GLIS3: variants seen among roughly 807,000 people sequenced by gnomAD.
GLIS3 encodes the protein GLIS family zinc finger 3, also known as zinc finger protein GLIS3.
GLIS3 carries 53 observed loss-of-function variants against 78.6 expected under a neutral mutation model. The ratio of observed to expected loss-of-function variants is 0.67; its 90% CI spans 0.54 to 0.85. GLIS3 has a LOEUF of 0.85. Among genes scored for constraint, GLIS3 ranks in the 40% least tolerant of loss-of-function variants. The pLI is 0.00. For synonymous variants in GLIS3, 684 were observed against 509.9 expected (o/e 1.34, Z -4.60); for missense variants, 1,703 against 1,231.1 (o/e 1.38, Z -5.74).
chr9:4,347,169 T>G (rs1265155477), exon 2 of GLIS3: 6 of 152,274 alleles, frequency 3.9e-5, no homozygotes, highest in Admixed American at 3.9e-4. Flanking sequence ...TGGCAGAAGG[T>G]AAAGAGAAGC....
Position 4,168,095 on chromosome 9 carries a change from C to A in GLIS3, c.389-42154G>T, listed in dbSNP as rs369849476. Among the ~76,000 whole-genome samples the A allele has an allele frequency of 8.9e-3, 1,359 of 152,214 alleles. 19 individuals are homozygous for A. The highest frequency in any genetic ancestry group is 0.032 in the African/African-American group (1,314 of 41,494). On this transcript the variant is annotated intron_variant, in intron 2 of 10. Coordinates refer to ENST00000381971, the MANE Select transcript of GLIS3 (RefSeq NM_001042413.2). Reference sequence around the variant, plus strand: ...TGCAATCATTTCCTTACCTCCTTGACAGCAAAGGCTTTCAACTGAAAACTC... The same window carrying A: ...TGCAATCATTTCCTTACCTCCTTGAAAGCAAAGGCTTTCAACTGAAAACTC...
chr9:4,347,716 T>C (rs1433093079), intron 1 of GLIS3, among the ~76,000 whole-genome samples: 2 of 152,180 alleles, frequency 1.3e-5, no homozygotes, highest in Non-Finnish European at 2.9e-5. Flanking sequence ...TTGTTTGTTT[T>C]TGGTTTGGTT....
chr9:3,942,393 C>T (rs1482523630), intron 4 of GLIS3, among the ~76,000 whole-genome samples: 1 of 152,108 alleles, frequency 6.6e-6, no homozygotes. Flanking sequence ...TTCCCATCTC[C>T]ACATACAACC....
chr9:4,211,396 G>GA (rs1820359641), intron 2 of GLIS3, among the ~76,000 whole-genome samples: 1 of 152,194 alleles, frequency 6.6e-6, no homozygotes. Flanking sequence ...ACTCAGTGCA[G>GA]AAAGAGATCT....
intron 2 of GLIS3, among the ~76,000 whole-genome samples, chr9:4,247,112 G>A (rs1587133100): frequency 6.6e-6 from 1 of 152,034 alleles, no homozygotes; most frequent in Admixed American, 6.6e-5. Context: ...TCCTGAGTTC[G>A]GTGCACACCA....
At chr9:4,095,230 A>G (rs1037097209) in intron 4 of GLIS3, among the ~76,000 whole-genome samples, 1 of 152,090 alleles carries the variant, frequency 6.6e-6, no homozygotes, top group African/African-American at 2.4e-5. Flanking sequence ...CTATGTACAC[A>G]TCCTTTGAAC....
chr9:4,189,439 G>A (rs1301883072), intron 2 of GLIS3, among the ~76,000 whole-genome samples: 1 of 152,150 alleles, frequency 6.6e-6, no homozygotes, highest in Non-Finnish European at 1.5e-5. Context: ...TGGAATACGT[G>A]TGGTGTGGTG....
At chr9:4,329,494 T>C (rs1471441824) in intron 2 of GLIS3, among the ~76,000 whole-genome samples, 1 of 152,112 alleles carries the variant, frequency 6.6e-6, no homozygotes, top group South Asian at 2.1e-4. Context: ...TGGGGGCCTA[T>C]AATAAGACCA....
intron 4 of GLIS3, among the ~76,000 whole-genome samples, chr9:4,114,324 C>T (rs1168583551): frequency 6.6e-6 from 1 of 152,084 alleles, no homozygotes; most frequent in Non-Finnish European, 1.5e-5. Flanking sequence ...TGGAACCATT[C>T]ACTATGGATA....
intron 4 of GLIS3, among the ~76,000 whole-genome samples, chr9:3,958,366 C>CA (rs936818565): frequency 1.3e-5 from 2 of 151,356 alleles, no homozygotes; most frequent in South Asian, 2.1e-4. Flanking sequence ...ATTCTTTTTT[C>CA]AAAAAAAGTC....
chr9:3,978,315 A>T (rs1285540191), intron 4 of GLIS3, among the ~76,000 whole-genome samples: 1 of 152,176 alleles, frequency 6.6e-6, no homozygotes, highest in Non-Finnish European at 1.5e-5. Context: ...ATATTACATA[A>T]ATAAACACTA....
At chr9:4,178,958 ATAG>A (rs1398687125) in intron 2 of GLIS3, among the ~76,000 whole-genome samples, 4 of 152,212 alleles carry the variant, frequency 2.6e-5, no homozygotes, top group African/African-American at 7.2e-5. Flanking sequence ...TTATAAATAG[ATAG>A]TAGTTTAAAG....
intron 2 of GLIS3, among the ~76,000 whole-genome samples, chr9:4,332,493 G>T (rs980226009): frequency 3.9e-5 from 6 of 152,148 alleles, no homozygotes; most frequent in Non-Finnish European, 8.8e-5. Context: ...ACTTACTTTT[G>T]TCTTCCTCTC....
At chr9:4,240,880 C>G (rs1268131449) in intron 2 of GLIS3, among the ~76,000 whole-genome samples, 1 of 151,940 alleles carries the variant, frequency 6.6e-6, no homozygotes, top group Non-Finnish European at 1.5e-5. Flanking sequence ...TGAAATAAAA[C>G]TCCATATAAA....
At chr9:4,490,080 G>A in the GLIS3 span, among the ~76,000 whole-genome samples, 1 of 152,240 alleles carries the variant, frequency 6.6e-6, no homozygotes, top group African/African-American at 2.4e-5. Context: ...CCGTTCTGCA[G>A]GTGCCGGCGC....
intron 2 of GLIS3, among the ~76,000 whole-genome samples, chr9:4,274,538 G>C (rs564444875): frequency 6.6e-6 from 1 of 152,276 alleles, no homozygotes; most frequent in African/African-American, 2.4e-5. Context: ...GCAGAGGGTG[G>C]CAATGAATAT....
the GLIS3 span, among the ~76,000 whole-genome samples, chr9:4,448,577 T>C: frequency 6.6e-6 from 1 of 152,244 alleles, no homozygotes; most frequent in South Asian, 2.1e-4. Context: ...TTCCAGCTTC[T>C]TGTGGGCATG....
chr9:4,296,167 A>C (rs1379551422), intron 1 of GLIS3, among the ~76,000 whole-genome samples: 1 of 152,156 alleles, frequency 6.6e-6, no homozygotes, highest in South Asian at 2.1e-4. Flanking sequence ...TGTATTCTAT[A>C]ATCTGGGAGA....
At chr9:4,314,192 A>G (rs189471755) in intron 2 of GLIS3, among the ~76,000 whole-genome samples, 1 of 152,320 alleles carries the variant, frequency 6.6e-6, no homozygotes, top group African/African-American at 2.4e-5. Flanking sequence ...TATTTATAAA[A>G]TGTGTGAAAT....
Sources: gnomAD v4.1 joint callset for allele counts (sites outside exome capture counted in the v4.1 genomes callset) on GRCh38, gnomAD v4.1.1 for gene constraint, MANE v1.5 for transcripts, NCBI Gene and HGNC (gene_info 2026-07-23, HGNC 2026-07-21) for gene names.